ZNF385D: variants seen among roughly 807,000 people sequenced by gnomAD.
The protein encoded by ZNF385D is zinc finger protein 659.
ZNF385D carries 15 observed loss-of-function variants against 35.8 expected under a neutral mutation model. That is an observed-to-expected ratio of 0.42 (90% CI 0.28 to 0.64). The LOEUF is 0.64. Among genes scored for constraint, ZNF385D ranks in the 30% least tolerant of loss-of-function variants. The pLI, the probability that ZNF385D is intolerant of heterozygous loss-of-function variation, is 0.23. For synonymous variants in ZNF385D, 212 were observed against 186.8 expected (o/e 1.13, Z -1.10); for missense variants, 474 against 494.6 (o/e 0.96, Z 0.39).
At chr3:21,943,715 G>A (rs1177810272) in intron 3 of ZNF385D, among the ~76,000 whole-genome samples, 3 of 152,196 alleles carry the variant, frequency 2.0e-5, no homozygotes, top group South Asian at 2.1e-4. Context: ...ACCAAAGTGA[G>A]AGATTTTACT....
chr3:21,691,615 T>G (rs1253577033), intron 1 of ZNF385D, among the ~76,000 whole-genome samples: 1 of 152,192 alleles, frequency 6.6e-6, no homozygotes. Context: ...CCACCAAGAT[T>G]GTGTGTAGCT....
chr3:22,304,506 AATCT>A (rs1215557227), intron 2 of ZNF385D, among the ~76,000 whole-genome samples: 5 of 152,258 alleles, frequency 3.3e-5, no homozygotes, highest in African/African-American at 1.2e-4. Context: ...ATAACCATCA[AATCT>A]ATCTGAGGCC....
rs917287675 is a variant in ZNF385D at position 21,907,690 on chromosome 3, C to T, written c.326-242662G>A. ...TTGTTCCTAAAGGTTACTCATCCACCAGTACATCCTCAAAATTGTCATCAA... is the reference window on the plus strand; with the variant it reads ...TTGTTCCTAAAGGTTACTCATCCACTAGTACATCCTCAAAATTGTCATCAA... On this transcript the variant is annotated intron_variant, in intron 3 of 5. Transcript: ENST00000494108. Among the ~76,000 whole-genome samples, 6 of 152,050 alleles carry T rather than the reference C, an allele frequency of 3.9e-5. No individual in the cohort carries two copies. The East Asian group carries it at 1.2e-3, about 29-fold the overall frequency.
At chr3:21,794,497 T>G (rs1462881735) in intron 3 of ZNF385D, among the ~76,000 whole-genome samples, 1 of 152,110 alleles carries the variant, frequency 6.6e-6, no homozygotes, top group African/African-American at 2.4e-5. Flanking sequence ...AGGAAGTTAT[T>G]TCTCACAGTT....
At chr3:22,200,218 C>A (rs1576485026) in intron 2 of ZNF385D, among the ~76,000 whole-genome samples, 3 of 151,972 alleles carry the variant, frequency 2.0e-5, no homozygotes, top group Admixed American at 6.6e-5. Context: ...TTCATCCTGG[C>A]AAGATTATCG....
intron 3 of ZNF385D, among the ~76,000 whole-genome samples, chr3:22,159,761 T>A (rs554282145): frequency 1.3e-5 from 2 of 152,212 alleles, no homozygotes; most frequent in East Asian, 3.9e-4. Context: ...TTTACTTCAG[T>A]CAAACAAGAA....
At chr3:22,280,913 G>C (rs528183570) in intron 2 of ZNF385D, among the ~76,000 whole-genome samples, 31 of 151,962 alleles carry the variant, frequency 2.0e-4, no homozygotes, top group Non-Finnish European at 3.1e-4. Flanking sequence ...TCTTTCAGCA[G>C]TGTTTTGTGG....
Position 21,464,538 on chromosome 3 carries a change from A to G in ZNF385D, c.440-27335T>C, listed in dbSNP as rs186533489. ...ATCTTTGCTTTCTTCTCTCTGGAAC[A>G]TTATATTAGCTTCAGATACAACAGT... On this transcript the variant is annotated intron_variant, in intron 4 of 7. Transcript: ENST00000281523. Among the ~76,000 whole-genome samples, 34 of 152,262 alleles carry G rather than the reference A, an allele frequency of 2.2e-4. No individual in the cohort carries two copies. The East Asian group carries it at 6.4e-3, about 29-fold the overall frequency.
At chr3:22,210,934 T>C (rs1697478633) in intron 2 of ZNF385D, among the ~76,000 whole-genome samples, 2 of 151,952 alleles carry the variant, frequency 1.3e-5, no homozygotes, top group African/African-American at 2.4e-5. Context: ...AAACATAATA[T>C]ACTCACATGA....
chr3:21,866,037 T>G (rs1388248559), intron 3 of ZNF385D, among the ~76,000 whole-genome samples: 4 of 152,082 alleles, frequency 2.6e-5, no homozygotes, highest in Non-Finnish European at 1.5e-5. Context: ...TACATTCATG[T>G]GTATCTATTT....
chr3:21,833,051 C>G (rs746191051), intron 3 of ZNF385D, among the ~76,000 whole-genome samples: 1 of 152,170 alleles, frequency 6.6e-6, no homozygotes, highest in Non-Finnish European at 1.5e-5. Flanking sequence ...ACACTTTCCA[C>G]TCTCACATCA....
At chr3:22,240,963 T>A (rs185109389) in intron 2 of ZNF385D, among the ~76,000 whole-genome samples, 1 of 151,066 alleles carries the variant, frequency 6.6e-6, no homozygotes, top group Non-Finnish European at 1.5e-5. Flanking sequence ...TCTACATCTC[T>A]GGCTTCTATC....
At chr3:22,267,708 C>T (rs1359217780) in intron 2 of ZNF385D, among the ~76,000 whole-genome samples, 2 of 151,894 alleles carry the variant, frequency 1.3e-5, no homozygotes, top group African/African-American at 4.8e-5. Context: ...CCTAAATGCA[C>T]TCCCATGTTA....
At chr3:22,166,434 T>C (rs1036531285) in intron 3 of ZNF385D, among the ~76,000 whole-genome samples, 1 of 152,204 alleles carries the variant, frequency 6.6e-6, no homozygotes, top group Admixed American at 6.5e-5. Context: ...GAAACAGCCT[T>C]TCAAAGTACA....
In ZNF385D at chr3:21,479,998, C is replaced by G. The variant is rs115514505; in HGVS notation, c.439+30863G>C. ...TAGAACTATCTGCTTTTTAAATACA[C>G]TTTACATTAGTATCATTTCCCCATA... On this transcript the variant is annotated intron_variant, in intron 4 of 7. Transcript: ENST00000281523. Among the ~76,000 whole-genome samples the G allele has an allele frequency of 2.9e-3, 448 of 152,054 alleles. 4 individuals carry two copies. The highest frequency in any genetic ancestry group is 0.011 in the African/African-American group (436 of 41,486).
At chr3:22,343,093 T>G (rs114946911) in intron 2 of ZNF385D, among the ~76,000 whole-genome samples, 52 of 152,356 alleles carry the variant, frequency 3.4e-4, no homozygotes, top group African/African-American at 1.2e-3. Context: ...TTGGAGATAT[T>G]TGGTTAAAGT....
chr3:21,726,338 C>T (rs1264887404), intron 1 of ZNF385D, among the ~76,000 whole-genome samples: 1 of 152,076 alleles, frequency 6.6e-6, no homozygotes, highest in African/African-American at 2.4e-5. Context: ...GGCAATCAGG[C>T]AGGAGAAAGA....
intron 3 of ZNF385D, among the ~76,000 whole-genome samples, chr3:21,787,645 C>A (rs901993330): frequency 5.3e-5 from 8 of 152,060 alleles, no homozygotes; most frequent in Non-Finnish European, 8.8e-5. Context: ...TGAAAATCAC[C>A]AGGCCACAAG....
intron 3 of ZNF385D, among the ~76,000 whole-genome samples, chr3:21,914,701 G>A (rs1700114237): frequency 6.6e-6 from 1 of 152,030 alleles, no homozygotes; most frequent in South Asian, 2.1e-4. Flanking sequence ...TGAAAAGGAA[G>A]TGAAATATAA....
Sources: allele counts gnomAD v4.1 joint callset (sites outside exome capture counted in the v4.1 genomes callset), GRCh38; gene constraint gnomAD v4.1.1; transcripts MANE v1.5; gene names NCBI Gene and HGNC (gene_info 2026-07-23, HGNC 2026-07-21).